The following COL5A1 variants were observed in gnomAD, a reference collection of about 807,000 sequenced individuals.
The protein encoded by COL5A1 is collagen type V alpha 1 chain, also known as collagen alpha-1(V) chain.
In COL5A1, 16 loss-of-function variants were observed where a neutral mutation model predicts 263.7. The ratio of observed to expected loss-of-function variants is 0.06; its 90% CI spans 0.04 to 0.09. The LOEUF (loss-of-function observed/expected upper bound fraction) is 0.09, where lower values mean the gene tolerates loss of function less well. Ranked by LOEUF, COL5A1 falls within the 10% of genes least tolerant of loss-of-function variation. The pLI, the probability that COL5A1 is intolerant of heterozygous loss-of-function variation, is 1.00. For synonymous variants in COL5A1, 1,012 were observed against 1,004.5 expected (o/e 1.01, Z -0.14); for missense variants, 2,036 against 2,540.5 (o/e 0.80, Z 4.27).
intron 1 of COL5A1, among the ~76,000 whole-genome samples, chr9:134,644,090 T>C (rs543204843): frequency 6.6e-6 from 1 of 152,058 alleles, no homozygotes; most frequent in Non-Finnish European, 1.5e-5. Context: ...GAGACCACTT[T>C]TCTTAGTGAG....
intron 41 of COL5A1, 51 bp from the exon 42 acceptor site, chr9:134,806,137 AC>A: frequency 7.4e-7 from 1 of 1,355,392 alleles, no homozygotes; most frequent in Non-Finnish European, 1.0e-6. Flanking sequence ...CAAAGTCACG[AC>A]CACGCAGTCT....
intron 4 of COL5A1, among the ~76,000 whole-genome samples, chr9:134,718,175 C>G (rs1436983136): frequency 6.6e-6 from 1 of 152,206 alleles, no homozygotes; most frequent in African/African-American, 2.4e-5. Context: ...AACTGATTCT[C>G]TCAGCAAAAT....
In COL5A1 at chr9:134,818,515, T is replaced by C; in HGVS notation, c.4231-141T>C. On this transcript the variant is annotated intron_variant, in intron 54 of 65. Coordinates refer to ENST00000371817, the MANE Select transcript of COL5A1 (RefSeq NM_000093.5). This position sits in a 1 kb window ranked among gnomAD's most constrained non-coding sequence, Gnocchi z 6.0. Reference sequence around the variant, plus strand: ...AGGGCAGCTTCCACAGGCAATGAAATGTGGAGAATTAGGGCAACCCCGGAT... The same window carrying C: ...AGGGCAGCTTCCACAGGCAATGAAACGTGGAGAATTAGGGCAACCCCGGAT... The C allele has an allele frequency of 3.1e-6, 2 of 654,768 alleles. No homozygotes were observed. The highest frequency in any genetic ancestry group is 2.7e-6 in the Non-Finnish European group (1 of 363,810). The allele number at this position is 654,768 out of a possible 1,614,324, so 40.6% of individuals were successfully genotyped here.
Position 134,742,237 on chromosome 9 carries a change from C to T in COL5A1, c.1494+3429C>T, listed in dbSNP as rs376283610. ...AAATCCTTTCTTGCTCTTGTGCCCA[C>T]GGCTGCCCGCAGGGAGCAGAGTGCA... On this transcript the variant is annotated intron_variant, in intron 11 of 65. Transcript: ENST00000371817. This position sits in a 1 kb window ranked among gnomAD's most constrained non-coding sequence, Gnocchi z 4.6. Among the ~76,000 whole-genome samples the T allele has an allele frequency of 3.3e-5, 5 of 152,232 alleles. No homozygotes were observed. The highest frequency in any genetic ancestry group is 2.0e-4 in the East Asian group (1 of 5,128).
At chr9:134,697,377 G>A (rs1209729621) in intron 2 of COL5A1, among the ~76,000 whole-genome samples, 1 of 152,166 alleles carries the variant, frequency 6.6e-6, no homozygotes, top group Admixed American at 6.5e-5. Flanking sequence ...CTTGAGAAAC[G>A]GCATTTTAAT....
intron 4 of COL5A1, chr9:134,708,522 A>T (rs896917679): frequency 3.9e-6 from 2 of 510,810 alleles, no homozygotes; most frequent in Non-Finnish European, 7.8e-6. Context: ...TCTCCTTAGC[A>T]TCCACTGGTG....
Position 134,780,194 on chromosome 9 carries a change from G to A in COL5A1, c.2430+48G>A, listed in dbSNP as rs371325346. On this transcript the variant is annotated intron_variant, in intron 28 of 65. Coordinates refer to ENST00000371817, the MANE Select transcript of COL5A1 (RefSeq NM_000093.5). ...GGGGCCCCCTGCTTAGTCCGGAGCC[G>A]AATTCCAGCCAGCGGGGCCCTCCCA... 3.4e-5 allele frequency: 54 copies of A among 1,589,250 alleles called. No individual in the cohort carries two copies. In the African/African-American group the frequency reaches 4.2e-4, roughly 12 times the overall value.
At chr9:134,656,136 C>G (rs1006321163) in intron 1 of COL5A1, among the ~76,000 whole-genome samples, 4 of 152,178 alleles carry the variant, frequency 2.6e-5, no homozygotes, top group South Asian at 4.1e-4. Context: ...GCCCCGGGGC[C>G]CCACCTTGCA....
chr9:134,771,537 T>C (rs1836865896), intron 25 of COL5A1, among the ~76,000 whole-genome samples: 4 of 152,232 alleles, frequency 2.6e-5, no homozygotes, highest in Admixed American at 1.3e-4. Flanking sequence ...TCTGCTAGGA[T>C]AGGCTGTCTG....
chr9:134,738,625 G>T lies in COL5A1; in HGVS notation c.1431+110G>T, dbSNP rs563806740. On this transcript the variant is annotated intron_variant, in intron 10 of 65. Coordinates refer to ENST00000371817, the MANE Select transcript of COL5A1 (RefSeq NM_000093.5). ...GAAAAGAGGGGGGCTCTCCGCTTTT[G>T]CAGATCCCCTGGGAGCCGGCGCTAT... The T allele has an allele frequency of 5.8e-6, 9 of 1,553,608 alleles. No homozygotes were observed. In the Admixed American group the frequency reaches 1.5e-4, roughly 26 times the overall value.
chr9:134,737,329 C>A (rs1835139713), intron 9 of COL5A1, among the ~76,000 whole-genome samples: 1 of 152,240 alleles, frequency 6.6e-6, no homozygotes, highest in Non-Finnish European at 1.5e-5. Flanking sequence ...TGCCCCTGGG[C>A]CTGCTGGAGC....
chr9:134,753,765 T>TGCCCCCCCCCTGCCCCCCCCC, intron 14 of COL5A1, 85 bp from the exon 15 acceptor site: 2 of 485,446 alleles, frequency 4.1e-6, no homozygotes, highest in Non-Finnish European at 8.2e-6. Flanking sequence ...CCCCTCCCCC[T>TGCCCCCCCCCTGCCCCCCCCC]GCCCCTCCCC....
chr9:134,765,711 C>T lies in COL5A1; in HGVS notation c.2065C>T (p.Pro689Ser), dbSNP rs943838033. 22 of 1,612,736 alleles carry T rather than the reference C, an allele frequency of 1.4e-5. No homozygotes were observed. Among genetic ancestry groups the T allele is most frequent in the Non-Finnish European group, 1.7e-5 (20 of 1,179,196 alleles). Residue 689 changes from proline to serine, a missense_variant, in exon 21 of 66, where the codon CCC becomes TCC. Coordinates refer to ENST00000371817, the MANE Select transcript of COL5A1 (RefSeq NM_000093.5). The surrounding 1 kb of genome is among the most constrained non-coding windows in gnomAD (Gnocchi z 5.1). ...ACGTGGTCTGCTTGGGCCGAAGGGGCCCCCAGGTCCTCCCGGACCTCCCGT... is the reference window on the plus strand; with the variant it reads ...ACGTGGTCTGCTTGGGCCGAAGGGGTCCCCAGGTCCTCCCGGACCTCCCGT... ...GPRGLLGPKG[P>S]PGPPGPPGVT...
In COL5A1 at chr9:134,696,524, C is replaced by T. The variant is rs992391957; in HGVS notation, c.278-3385C>T. 1.3e-5 allele frequency among the ~76,000 whole-genome samples: 2 copies of T among 152,122 alleles called. No homozygotes were observed. Among genetic ancestry groups the T allele is most frequent in the African/African-American group, 2.4e-5 (1 of 41,420 alleles). On this transcript the variant is annotated intron_variant, in intron 2 of 65. Transcript: ENST00000371817. This position sits in a 1 kb window ranked among gnomAD's most constrained non-coding sequence, Gnocchi z 4.3. ...TTGGTTTGATGATTTCTGTTTGTATCGTGGGAGTATCACTTTCTGAGGTCA... is the reference window on the plus strand; with the variant it reads ...TTGGTTTGATGATTTCTGTTTGTATTGTGGGAGTATCACTTTCTGAGGTCA...
intron 37 of COL5A1, among the ~76,000 whole-genome samples, chr9:134,799,508 A>C (rs986439169): frequency 2.6e-5 from 4 of 152,216 alleles, no homozygotes; most frequent in Admixed American, 2.6e-4. Context: ...TGCCAGGATC[A>C]CTGCAAGGGT....
At position 134,828,565 on chromosome 9, in the gene COL5A1, A is replaced by ACCACACATCACACAG. The variant is rs1564181162; in HGVS notation, c.5068-1411_5068-1410insCCACACATCACACAG. Among the ~76,000 whole-genome samples the ACCACACATCACACAG allele has an allele frequency of 3.2e-3, 466 of 147,230 alleles. 4 individuals carry two copies. Among genetic ancestry groups the ACCACACATCACACAG allele is most frequent in the African/African-American group, 0.012 (448 of 38,910 alleles). Reference sequence around the variant, plus strand: ...CCACAGAGATACGCACCACACACACAATACACACCACATATACCACACCAC... The same window carrying ACCACACATCACACAG: ...CCACAGAGATACGCACCACACACACACCACACATCACACAGATACACACCACATATACCACACCAC... On this transcript the variant is annotated intron_variant, in intron 63 of 65. Coordinates refer to ENST00000371817, the MANE Select transcript of COL5A1 (RefSeq NM_000093.5).
At chr9:134,804,587 C>T (rs1011101306) in intron 39 of COL5A1, among the ~76,000 whole-genome samples, 9 of 152,210 alleles carry the variant, frequency 5.9e-5, no homozygotes, top group South Asian at 2.1e-4. Flanking sequence ...CCCGGAACTC[C>T]GTGGAGCAGG....
In COL5A1 at chr9:134,810,380, T is replaced by A. The variant is rs34963836; in HGVS notation, c.3528+72T>A. 70,013 of 1,440,228 alleles carry A rather than the reference T, an allele frequency of 0.049. 1,895 individuals carry two copies. The highest frequency in any genetic ancestry group is 0.057 in the Non-Finnish European group (58,201 of 1,028,500). The allele number at this position is 1,440,228 out of a possible 1,614,324, so 89.2% of individuals were successfully genotyped here. Reference sequence around the variant, plus strand: ...GCCTCGTCGCAGGCTGTAGGCCGTGTGCCATGCACGTTCTCTTCCAACGTT... The same window carrying A: ...GCCTCGTCGCAGGCTGTAGGCCGTGAGCCATGCACGTTCTCTTCCAACGTT... On this transcript the variant is annotated intron_variant, in intron 44 of 65. Coordinates refer to ENST00000371817, the MANE Select transcript of COL5A1 (RefSeq NM_000093.5).
chr9:134,714,070 C>G (rs906154822), intron 4 of COL5A1, among the ~76,000 whole-genome samples: 1 of 152,204 alleles, frequency 6.6e-6, no homozygotes, highest in East Asian at 1.9e-4. Context: ...TTGAGACTTA[C>G]AGTCAGAGAC....
Sources: gnomAD v4.1 joint callset for allele counts (sites outside exome capture counted in the v4.1 genomes callset) on GRCh38, gnomAD v4.1.1 for gene constraint, Gnocchi (gnomAD v3.1) non-coding constraint, MANE v1.5 for transcripts, NCBI Gene and HGNC (gene_info 2026-07-23, HGNC 2026-07-21) for gene names.